The following AK8 variants were observed in gnomAD, a reference collection of about 807,000 sequenced individuals.
AK8 encodes the protein ATP-AMP transphosphorylase 8.
In AK8, 44 loss-of-function variants were observed where a neutral mutation model predicts 54.6. That is an observed-to-expected ratio of 0.81 (90% CI 0.63 to 1.04). The LOEUF (loss-of-function observed/expected upper bound fraction) is 1.04. AK8 is among the 50% of genes least tolerant of loss of function. The pLI is 0.00. For missense variants in AK8, 555 were observed against 613.6 expected (o/e 0.90, Z 1.01); for synonymous variants, 239 against 245.6 (o/e 0.97, Z 0.25).
chr9:132,834,103 C>T (rs1462378031), intron 5 of AK8, among the ~76,000 whole-genome samples: 1 of 152,228 alleles, frequency 6.6e-6, no homozygotes, highest in Non-Finnish European at 1.5e-5. Context: ...AAGACTTGGA[C>T]TCGATAAATC....
At chr9:132,764,657 T>C (rs1446371028) in intron 11 of AK8, among the ~76,000 whole-genome samples, 1 of 152,092 alleles carries the variant, frequency 6.6e-6, no homozygotes, top group African/African-American at 2.4e-5. Flanking sequence ...AGTGACAAGA[T>C]TGAATCAGTA....
rs549905909 is a variant in AK8, at chr9:132,790,875, G to T, written c.1121+1759C>A. ...AAGTAAGCCAAAATCAATGTCTTTT[G>T]TATACTCTTGAAAAACCCCCTTAGA... is the stretch of plus-strand genomic sequence containing the variant. On this transcript the variant is annotated intron_variant, in intron 11 of 12. Transcript: ENST00000298545. This position sits in a 1 kb window ranked among gnomAD's most constrained non-coding sequence, Gnocchi z 4.1. Among the ~76,000 whole-genome samples, 1 of 152,020 alleles carries T rather than the reference G, an allele frequency of 6.6e-6. No homozygotes were observed. The highest frequency in any genetic ancestry group is 2.4e-5 in the African/African-American group (1 of 41,432).
chr9:132,868,332 T>C (rs1333282428), intron 2 of AK8, among the ~76,000 whole-genome samples: 1 of 152,196 alleles, frequency 6.6e-6, no homozygotes, highest in Admixed American at 6.5e-5. Flanking sequence ...CCCAAAATCA[T>C]GGCACCTTCT....
At chr9:132,835,208 A>T (rs1037491244) in intron 5 of AK8, among the ~76,000 whole-genome samples, 25 of 152,096 alleles carry the variant, frequency 1.6e-4, no homozygotes, top group African/African-American at 3.1e-4. Context: ...AGTTAAAAAA[A>T]ATTTAAATTC....
chr9:132,814,878 C>A, intron 9 of AK8, 151 bp from the exon 10 acceptor site: 7 of 551,662 alleles, frequency 1.3e-5, no homozygotes, highest in East Asian at 3.1e-5. Flanking sequence ...GGTATGTGTC[C>A]AAGTAAAAGT....
At position 132,863,073 on chromosome 9, in the gene AK8, C is replaced by T. The variant is rs1315608727; in HGVS notation, c.333+592G>A. 1.3e-4 allele frequency among the ~76,000 whole-genome samples: 20 copies of T among 152,236 alleles called. 1 individual carries two copies. Among genetic ancestry groups the T allele is most frequent in the Admixed American group, 1.3e-3 (20 of 15,286 alleles). Reference sequence around the variant, plus strand: ...CCTTTAGAAGATGTTTTTCAAATATCGAGCTGTTGGTCTTTTAGAAACAAC... The same window carrying T: ...CCTTTAGAAGATGTTTTTCAAATATTGAGCTGTTGGTCTTTTAGAAACAAC... On this transcript the variant is annotated intron_variant, in intron 4 of 12. Transcript: ENST00000298545.
intron 9 of AK8, 41 bp downstream of exon 9, chr9:132,823,164 A>G (rs771750162): frequency 2.0e-6 from 3 of 1,505,582 alleles, no homozygotes; most frequent in Admixed American, 4.6e-5. Context: ...AGGCAGGGAA[A>G]GGCTCTCGAA....
intron 5 of AK8, among the ~76,000 whole-genome samples, chr9:132,836,394 T>C (rs753020237): frequency 2.0e-5 from 3 of 152,228 alleles, no homozygotes; most frequent in African/African-American, 7.2e-5. Flanking sequence ...CGATCTTCTT[T>C]TTCTCTACCT....
intron 7 of AK8, chr9:132,827,736 C>A: frequency 2.2e-6 from 1 of 452,008 alleles, no homozygotes; most frequent in East Asian, 3.8e-5. Context: ...CCTGTGTGGG[C>A]CCCAAGCCCA....
At chr9:132,813,772 T>C (rs1385514817) in intron 10 of AK8, among the ~76,000 whole-genome samples, 1 of 152,062 alleles carries the variant, frequency 6.6e-6, no homozygotes, top group African/African-American at 2.4e-5. Context: ...TTACTGTGGG[T>C]CAGATCCTAG....
intron 11 of AK8, among the ~76,000 whole-genome samples, chr9:132,766,950 C>T (rs1330409082): frequency 6.6e-6 from 1 of 152,172 alleles, no homozygotes; most frequent in African/African-American, 2.4e-5. Flanking sequence ...GAAACTAGAT[C>T]TCTATCTCTC....
chr9:132,802,420 T>A (rs1280057714), intron 10 of AK8, among the ~76,000 whole-genome samples: 1 of 152,126 alleles, frequency 6.6e-6, no homozygotes, highest in Non-Finnish European at 1.5e-5. Flanking sequence ...TCCTGGGGTG[T>A]CTGTGGTGAA....
chr9:132,872,611 G>A (rs1292000046), intron 2 of AK8, among the ~76,000 whole-genome samples: 1 of 151,530 alleles, frequency 6.6e-6, no homozygotes, highest in Non-Finnish European at 1.5e-5. Context: ...AGCTACAGGT[G>A]CACCACCACA....
At chr9:132,774,264 G>C (rs777280998) in intron 11 of AK8, among the ~76,000 whole-genome samples, 5 of 152,150 alleles carry the variant, frequency 3.3e-5, no homozygotes, top group Admixed American at 2.0e-4. Flanking sequence ...CTGCTCATGG[G>C]GGGGTTGGGG....
intron 11 of AK8, among the ~76,000 whole-genome samples, chr9:132,768,053 T>G (rs955503399): frequency 6.6e-6 from 1 of 152,130 alleles, no homozygotes; most frequent in Non-Finnish European, 1.5e-5. Context: ...AGGGGGACTA[T>G]GGTTAACAAT....
chr9:132,851,138 G>C (rs984801130), intron 5 of AK8, among the ~76,000 whole-genome samples: 2 of 152,236 alleles, frequency 1.3e-5, no homozygotes, highest in African/African-American at 4.8e-5. Flanking sequence ...CTGAAAGTGG[G>C]AAGCAGATGG....
chr9:132,735,383 T>C (rs960493493), intron 11 of AK8, among the ~76,000 whole-genome samples: 1 of 152,178 alleles, frequency 6.6e-6, no homozygotes, highest in Non-Finnish European at 1.5e-5. Flanking sequence ...CGATGTACAA[T>C]AACTGACTGC....
chr9:132,766,842 G>A lies in AK8; in HGVS notation c.1121+25792C>T, dbSNP rs191046245. Among the ~76,000 whole-genome samples, 14 of 152,336 alleles carry A rather than the reference G, an allele frequency of 9.2e-5. No individual in the cohort carries two copies. The East Asian group carries it at 1.7e-3, about 19-fold the overall frequency. On this transcript the variant is annotated intron_variant, in intron 11 of 12. Coordinates refer to ENST00000298545, the MANE Select transcript of AK8 (RefSeq NM_152572.3). ...ATAAGTCCATGTATTTATAGCCACT[G>A]ACTTTTGACAAAGGTGCTAAGAACA...
At chr9:132,740,714 C>CT (rs1484239952) in intron 11 of AK8, among the ~76,000 whole-genome samples, 2 of 152,186 alleles carry the variant, frequency 1.3e-5, no homozygotes, top group South Asian at 2.1e-4. Flanking sequence ...GCTGAGCACC[C>CT]CCCCGCCCCA....
Sources: gnomAD v4.1 joint callset for allele counts (sites outside exome capture counted in the v4.1 genomes callset) on GRCh38, gnomAD v4.1.1 for gene constraint, Gnocchi (gnomAD v3.1) non-coding constraint, MANE v1.5 for transcripts, NCBI Gene and HGNC (gene_info 2026-07-23, HGNC 2026-07-21) for gene names.